The following FIGN variants were observed in gnomAD, a reference collection of about 807,000 sequenced individuals.
FIGN encodes the protein fidgetin.
In FIGN, 11 loss-of-function variants were observed where a neutral mutation model predicts 51.3. The ratio of observed to expected loss-of-function variants is 0.21; its 90% CI spans 0.13 to 0.35. The LOEUF is 0.35. Ranked by LOEUF, FIGN falls within the 10% of genes least tolerant of loss-of-function variation. The pLI is 1.00. For missense variants in FIGN, 857 were observed against 943.6 expected (o/e 0.91, Z 1.20); for synonymous variants, 407 against 363.2 (o/e 1.12, Z -1.37).
intron 2 of FIGN, among the ~76,000 whole-genome samples, chr2:163,684,429 C>G (rs1188068750): frequency 6.6e-6 from 1 of 152,134 alleles, no homozygotes; most frequent in Non-Finnish European, 1.5e-5. Context: ...ATTATTTGAT[C>G]ATAACAGATA....
At chr2:163,723,837 G>A (rs1473561640) in intron 2 of FIGN, among the ~76,000 whole-genome samples, 1 of 152,078 alleles carries the variant, frequency 6.6e-6, no homozygotes, top group Non-Finnish European at 1.5e-5. Flanking sequence ...TGACACTTTT[G>A]CATGCAACCA....
chr2:163,701,785 G>C (rs925355476), intron 2 of FIGN, among the ~76,000 whole-genome samples: 4 of 152,078 alleles, frequency 2.6e-5, no homozygotes, highest in African/African-American at 7.2e-5. Context: ...CTTACCAGTC[G>C]AGTCAGCTCT....
intron 2 of FIGN, among the ~76,000 whole-genome samples, chr2:163,700,638 T>C (rs2105350407): frequency 6.6e-6 from 1 of 152,166 alleles, no homozygotes; most frequent in Admixed American, 6.6e-5. Flanking sequence ...GAGAGTTCAG[T>C]CAAGGTTACA....
rs560496380 is a variant in FIGN, at chr2:163,667,739, G to C, written c.26-55933C>G. Reference sequence around the variant, plus strand: ...TTGGGATTAATCATATCCTGTTCTAGGCAGCTTCTGTACTTTGGACAGGGT... The same window carrying C: ...TTGGGATTAATCATATCCTGTTCTACGCAGCTTCTGTACTTTGGACAGGGT... On this transcript the variant is annotated intron_variant, in intron 2 of 2. Transcript: ENST00000333129. Among the ~76,000 whole-genome samples, 17 of 152,112 alleles carry C rather than the reference G, an allele frequency of 1.1e-4. No homozygotes were observed. In the South Asian group the frequency reaches 3.1e-3, roughly 28 times the overall value.
At chr2:163,652,278 T>C (rs1449069559) in intron 2 of FIGN, among the ~76,000 whole-genome samples, 1 of 151,638 alleles carries the variant, frequency 6.6e-6, no homozygotes, top group East Asian at 1.9e-4. Context: ...GATCACTTAG[T>C]GTCAGGCAAT....
intron 2 of FIGN, among the ~76,000 whole-genome samples, chr2:163,624,708 A>ATATATATATTT (rs564288395): frequency 6.9e-6 from 1 of 145,494 alleles, no homozygotes; most frequent in African/African-American, 2.5e-5. Flanking sequence ...ATATATATAT[A>ATATATATATTT]TTTTTTTTTT....
intron 1 of FIGN, among the ~76,000 whole-genome samples, chr2:163,735,532 A>G (rs1381407613): frequency 2.6e-5 from 4 of 152,250 alleles, no homozygotes; most frequent in African/African-American, 4.8e-5. Flanking sequence ...AAGTAAAAAG[A>G]TAGTAATAAG....
intron 2 of FIGN, among the ~76,000 whole-genome samples, chr2:163,683,402 T>C (rs1447273641): frequency 2.0e-5 from 3 of 152,102 alleles, no homozygotes; most frequent in Non-Finnish European, 4.4e-5. Context: ...GTAACACCAT[T>C]TAAGAGGGAC....
chr2:163,720,033 C>A (rs917256553), intron 2 of FIGN, among the ~76,000 whole-genome samples: 1 of 152,040 alleles, frequency 6.6e-6, no homozygotes, highest in African/African-American at 2.4e-5. Context: ...GAAATAGGAG[C>A]CATTTGTGGA....
chr2:163,651,157 G>A (rs1421521581), intron 2 of FIGN, among the ~76,000 whole-genome samples: 1 of 152,188 alleles, frequency 6.6e-6, no homozygotes, highest in East Asian at 1.9e-4. Flanking sequence ...TTGACTCAGT[G>A]TGCAAGTAAA....
At chr2:163,659,928 C>A (rs560371907) in intron 2 of FIGN, among the ~76,000 whole-genome samples, 1 of 152,078 alleles carries the variant, frequency 6.6e-6, no homozygotes, top group South Asian at 2.1e-4. Context: ...CATAGTGAAA[C>A]CTCATCTCTA....
At chr2:163,711,676 AT>A (rs1329249071) in intron 2 of FIGN, among the ~76,000 whole-genome samples, 7 of 145,914 alleles carry the variant, frequency 4.8e-5, no homozygotes, top group Non-Finnish European at 9.1e-5. Flanking sequence ...AAAAAAAACT[AT>A]TTCAGTGTCC....
At chr2:163,733,823 C>T (rs1684968430) in intron 2 of FIGN, among the ~76,000 whole-genome samples, 1 of 152,140 alleles carries the variant, frequency 6.6e-6, no homozygotes, top group Admixed American at 6.5e-5. Context: ...GTGACCACGG[C>T]CACACTACAG....
intron 2 of FIGN, among the ~76,000 whole-genome samples, chr2:163,661,288 G>A (rs1475684065): frequency 6.6e-6 from 1 of 151,658 alleles, no homozygotes; most frequent in Non-Finnish European, 1.5e-5. Flanking sequence ...CACTCAGGAT[G>A]GAGTGCAGTG....
intron 2 of FIGN, among the ~76,000 whole-genome samples, chr2:163,731,836 C>G (rs1433238712): frequency 6.6e-6 from 1 of 152,076 alleles, no homozygotes; most frequent in Admixed American, 6.5e-5. Flanking sequence ...TTACCCTCTT[C>G]CAGGAAAACA....
In FIGN at chr2:163,660,704, TATACAC is replaced by T. The variant is rs1443184648; in HGVS notation, c.26-48904_26-48899del. Among the ~76,000 whole-genome samples the T allele has an allele frequency of 1.7e-4, 20 of 115,206 alleles. 1 individual carries two copies. Among genetic ancestry groups the T allele is most frequent in the African/African-American group, 6.1e-4 (19 of 31,160 alleles). 75.6% of individuals were successfully genotyped at this position (115,206 alleles called of 152,430 possible). A position where few individuals can be genotyped will look rare whatever the true frequency, so the allele number is the denominator to read the frequency against. ...ATATATACACATATACATATATATG[TATACAC>T]ATATACATATATATGTATACACATA... On this transcript the variant is annotated intron_variant, in intron 2 of 2. Transcript: ENST00000333129.
chr2:163,723,196 T>A (rs1230976977), intron 2 of FIGN, among the ~76,000 whole-genome samples: 1 of 150,984 alleles, frequency 6.6e-6, no homozygotes, highest in East Asian at 1.9e-4. Context: ...GTCTCAAAAA[T>A]AATAATAATA....
Position 163,727,125 on chromosome 2 carries a change from G to A in FIGN, c.25+7778C>T, listed in dbSNP as rs1684849788. ...AATTGAAAGGGAAAAGAAATGAACAGATGAAAAATAAAAAAGCTCTTTTTG... is the reference window on the plus strand; with the variant it reads ...AATTGAAAGGGAAAAGAAATGAACAAATGAAAAATAAAAAAGCTCTTTTTG... On this transcript the variant is annotated intron_variant, in intron 2 of 2. Transcript: ENST00000333129. Among the ~76,000 whole-genome samples the A allele has an allele frequency of 2.0e-5, 3 of 152,050 alleles. No individual in the cohort carries two copies. The South Asian group carries it at 6.2e-4, about 32-fold the overall frequency.
chr2:163,641,941 G>C (rs920179924), intron 2 of FIGN, among the ~76,000 whole-genome samples: 2 of 152,256 alleles, frequency 1.3e-5, no homozygotes, highest in Admixed American at 6.5e-5. Flanking sequence ...AAAGATTTCT[G>C]ACAGAATTCA....
Sources: allele counts gnomAD v4.1 joint callset (sites outside exome capture counted in the v4.1 genomes callset), GRCh38; gene constraint gnomAD v4.1.1; transcripts MANE v1.5; gene names NCBI Gene and HGNC (gene_info 2026-07-23, HGNC 2026-07-21).